The following DNMT3B variants were observed in gnomAD, a reference collection of about 807,000 sequenced individuals.
DNMT3B encodes the protein DNA methyltransferase 3 beta, also known as DNA (cytosine-5)-methyltransferase 3B.
In DNMT3B, 37 loss-of-function variants were observed where a neutral mutation model predicts 120.2. That is an observed-to-expected ratio of 0.31 (90% CI 0.24 to 0.40). The LOEUF is 0.40. DNMT3B is among the 10% of genes least tolerant of loss of function. The pLI is 1.00. For synonymous variants in DNMT3B, 412 were observed against 442.8 expected, an observed-to-expected ratio of 0.93 and a Z score of 0.87; for missense variants, 878 against 1,137.3, an observed-to-expected ratio of 0.77 and a Z score of 3.28.
intron 8 of DNMT3B, 126 bp from the exon 9 acceptor site, chr20:32,792,500 G>A: frequency 6.6e-7 from 1 of 1,513,950 alleles, no homozygotes; most frequent in Non-Finnish European, 9.1e-7. Flanking sequence ...GCCCAGGACA[G>A]CTGTCTGGCT....
chr20:32,805,535 C>A, intron 21 of DNMT3B, 128 bp downstream of exon 21: 6 of 997,248 alleles, frequency 6.0e-6, no homozygotes, highest in Non-Finnish European at 9.4e-6. Context: ...TTGGGCTTCC[C>A]TCTCCCACAT....
intron 1 of DNMT3B, among the ~76,000 whole-genome samples, chr20:32,766,403 T>C (rs946522256): frequency 2.6e-5 from 4 of 151,540 alleles, no homozygotes; most frequent in Non-Finnish European, 5.9e-5. Flanking sequence ...AAGGACAAGG[T>C]CTTGCTGTGT....
At position 32,789,029 on chromosome 20, in the gene DNMT3B, G is replaced by A. The variant is rs1438746673; in HGVS notation, c.813+17G>A. The A allele has an allele frequency of 1.2e-5, 19 of 1,613,388 alleles. No individual in the cohort carries two copies. The highest frequency in any genetic ancestry group is 1.6e-5 in the Non-Finnish European group (19 of 1,179,768). On this transcript the variant is annotated intron_variant, in intron 7 of 22. Transcript: ENST00000328111. ...TTCTCCGAGGTGAGTCCGGGGAAGGGCAAGGGGTTCTGCAGGCCTGAGGCT... is the reference window on the plus strand; with the variant it reads ...TTCTCCGAGGTGAGTCCGGGGAAGGACAAGGGGTTCTGCAGGCCTGAGGCT...
rs752568434 is a variant in DNMT3B, at chr20:32,797,294, C to T, written c.1485C>T (p.Cys495=). The change falls in exon 14 of 23, where the codon TGC becomes TGT. Residue 495 remains cysteine (C), a synonymous_variant. Transcript: ENST00000328111. ...RELLLCSNTS[C]CRCFCVECLE... ...TGCTGCTTTGCAGCAACACGAGCTG[C>T]TGCCGGTGAGCACTGGGCCCTGTGG... is the stretch of plus-strand genomic sequence containing the variant. The T allele has an allele frequency of 6.2e-7, 1 of 1,614,092 alleles. No homozygotes were observed. The highest frequency in any genetic ancestry group is 2.2e-5 in the East Asian group (1 of 44,892).
At chr20:32,803,280 A>T (rs1981575618) in intron 20 of DNMT3B, among the ~76,000 whole-genome samples, 1 of 152,234 alleles carries the variant, frequency 6.6e-6, no homozygotes, top group Admixed American at 6.5e-5. Context: ...TGTTATGGTA[A>T]TGTGACATCC....
At chr20:32,792,891 T>C (rs982955988) in intron 9 of DNMT3B, 121 bp downstream of exon 9, 4 of 1,440,264 alleles carry the variant, frequency 2.8e-6, no homozygotes, top group Non-Finnish European at 3.8e-6. Context: ...GTCTCAACTC[T>C]GAATGTTGGA....
chr20:32,788,582 G>C (rs976263082), intron 6 of DNMT3B, among the ~76,000 whole-genome samples: 1 of 151,642 alleles, frequency 6.6e-6, no homozygotes, highest in Non-Finnish European at 1.5e-5. Context: ...GACTACAGGC[G>C]TGCACCACCA....
Position 32,806,260 on chromosome 20 carries a change from A to G in DNMT3B, c.2353A>G (p.Lys785Glu), listed in dbSNP as rs1981972213. ...CAAGTCGAACTCGATCAAACAGGGG[A>G]AAAACCAACTTTTCCCTGTTGTCAT... ...TTKSNSIKQG[K>E]NQLFPVVMNG... The change falls in exon 22 of 23, where the codon AAA (lysine) becomes GAA (glutamate). Residue 785 changes from lysine to glutamate, a missense_variant. Physicochemically the swap from Lys to Glu is moderately conservative, Grantham distance 56. Transcript: ENST00000328111. 1.9e-6 allele frequency: 3 copies of G among 1,614,214 alleles called. No homozygotes were observed. Among genetic ancestry groups the G allele is most frequent in the Non-Finnish European group, 2.5e-6 (3 of 1,180,040 alleles).
intron 20 of DNMT3B, among the ~76,000 whole-genome samples, chr20:32,803,311 G>A (rs1981580170): frequency 6.6e-6 from 1 of 152,134 alleles, no homozygotes; most frequent in Non-Finnish European, 1.5e-5. Flanking sequence ...AATGAGTTGA[G>A]CTTAAAACAT....
Position 32,786,566 on chromosome 20 carries a change from C to T in DNMT3B, c.371C>T (p.Thr124Ile), listed in dbSNP as rs750643169. Reference protein sequence around the residue: ...RERHRPSPRSTRGRQGRNHVD... With the variant: ...RERHRPSPRSIRGRQGRNHVD... ...AGGCACAGGCCTTCCCCACGTTCCA[C>T]CCGAGGCCGGCAGGGCCGCAACCAT... The change falls in exon 5 of 23, where the codon ACC becomes ATC. Residue 124 changes from threonine to isoleucine, a missense_variant. Physicochemically the swap from Thr to Ile is moderately conservative, Grantham distance 89. Around this residue, in one of 4 missense-constraint regions of DNMT3B, gnomAD observed 287 missense variants for 306.2 expected, o/e 0.94. Transcript: ENST00000328111. 2.5e-6 allele frequency: 4 copies of T among 1,614,022 alleles called. No individual in the cohort carries two copies. The highest frequency in any genetic ancestry group is 2.5e-6 in the Non-Finnish European group (3 of 1,180,052).
At position 32,797,663 on chromosome 20, in the gene DNMT3B, T is replaced by G. The variant is rs966697756; in HGVS notation, c.1490+364T>G. ...ACATGCCATCACACCCAGCTAGTTA[T>G]TCTTTTTTTTTTTTGAGGTGGAGTC... is the stretch of plus-strand genomic sequence containing the variant. On this transcript the variant is annotated intron_variant, in intron 14 of 22. Transcript: ENST00000328111. Among the ~76,000 whole-genome samples, 39 of 92,072 alleles carry G rather than the reference T, an allele frequency of 4.2e-4. 1 individual carries two copies. Among genetic ancestry groups the G allele is most frequent in the African/African-American group, 3.4e-3 (39 of 11,618 alleles). The allele number at this position is 92,072 out of a possible 152,430, so 60.4% of individuals were successfully genotyped here.
chr20:32,796,903 C>T (rs1473437252), intron 13 of DNMT3B, 34 bp downstream of exon 13: 2 of 1,614,172 alleles, frequency 1.2e-6, no homozygotes, highest in Admixed American at 1.7e-5. Context: ...GGACCTTCCT[C>T]CCCTTGCCTC....
Position 32,799,303 on chromosome 20 carries a change from G to T in DNMT3B, c.1734G>T (p.Leu578=). ...PAARRRPIRV[L]SLFDGIATGY... ...CCCGAAGGCGGCCCATTCGAGTCCT[G>T]TCATTGTTTGATGGCATCGCGACAG... Residue 578 remains leucine, a synonymous_variant, in exon 16 of 23, where the codon CTG becomes CTT. Coordinates refer to ENST00000328111, the MANE Select transcript of DNMT3B (RefSeq NM_006892.4). 1 of 1,613,478 alleles carries T rather than the reference G, an allele frequency of 6.2e-7. No homozygotes were observed. The highest frequency in any genetic ancestry group is 8.5e-7 in the Non-Finnish European group (1 of 1,179,794).
intron 12 of DNMT3B, among the ~76,000 whole-genome samples, chr20:32,796,221 C>T (rs942266895): frequency 5.3e-5 from 8 of 152,100 alleles, no homozygotes; most frequent in African/African-American, 9.7e-5. Flanking sequence ...GGAAGAGCTT[C>T]GGTTTAGAAA....
At chr20:32,778,942 AGATGGATGGATG>A (rs3080493) in intron 1 of DNMT3B, among the ~76,000 whole-genome samples, 22 of 150,412 alleles carry the variant, frequency 1.5e-4, no homozygotes, top group Admixed American at 2.7e-4. Flanking sequence ...TCTCTAAGAT[AGATGGATGGATG>A]GATGGATGGA....
At chr20:32,762,962 G>C (rs181676392) in intron 1 of DNMT3B, among the ~76,000 whole-genome samples, 2 of 152,086 alleles carry the variant, frequency 1.3e-5, no homozygotes, top group African/African-American at 4.8e-5. Flanking sequence ...TAGAGGAAGG[G>C]ACGCGTCTGC....
rs1979660031 is a variant in DNMT3B, at chr20:32,789,030, C to G, written c.813+18C>G. ...TCTCCGAGGTGAGTCCGGGGAAGGG[C>G]AAGGGGTTCTGCAGGCCTGAGGCTG... is the stretch of plus-strand genomic sequence containing the variant. On this transcript the variant is annotated intron_variant, in intron 7 of 22. Coordinates refer to ENST00000328111, the MANE Select transcript of DNMT3B (RefSeq NM_006892.4). The G allele has an allele frequency of 6.2e-7, 1 of 1,613,224 alleles. No homozygotes were observed. Among genetic ancestry groups the G allele is most frequent in the Non-Finnish European group, 8.5e-7 (1 of 1,179,766 alleles).
Position 32,798,601 on chromosome 20 carries a change from G to T in DNMT3B, c.1632G>T (p.Val544=). 1 of 1,614,208 alleles carries T rather than the reference G, an allele frequency of 6.2e-7. No homozygotes were observed. The highest frequency in any genetic ancestry group is 8.5e-7 in the Non-Finnish European group (1 of 1,180,052). The change falls in exon 15 of 23, where the codon GTG becomes GTT. Residue 544 remains valine, a synonymous_variant. Transcript: ENST00000328111. Reference sequence around the variant, plus strand: ...TGCGGCGCCGGAAGGACTGGAACGTGCGCCTGCAGGCCTTCTTCACCAGTG... The same window carrying T: ...TGCGGCGCCGGAAGGACTGGAACGTTCGCCTGCAGGCCTTCTTCACCAGTG... ...GVLRRRKDWN[V]RLQAFFTSDT...
intron 15 of DNMT3B, 109 bp from the exon 16 acceptor site, chr20:32,799,135 G>A: frequency 8.1e-7 from 1 of 1,231,174 alleles, no homozygotes; most frequent in African/African-American, 1.5e-5. Context: ...TTTTGCAGTG[G>A]CTACGGCAAG....
Sources: allele counts gnomAD v4.1 joint callset (sites outside exome capture counted in the v4.1 genomes callset), GRCh38; gene constraint gnomAD v4.1.1; regional missense constraint gnomAD v4.1.1; transcripts MANE v1.5; gene names NCBI Gene and HGNC (gene_info 2026-07-23, HGNC 2026-07-21).